Variants in KIF20B observed in about 807,000 individuals in gnomAD.
The protein encoded by KIF20B is kinesin-like protein KIF20B.
In KIF20B, 188 loss-of-function variants were observed where a neutral mutation model predicts 232.5. The ratio of observed to expected loss-of-function variants is 0.81; its 90% CI spans 0.72 to 0.91. KIF20B has a LOEUF of 0.91. KIF20B is among the 40% of genes least tolerant of loss of function. KIF20B has a pLI of 0.00. For missense variants in KIF20B, 2,154 were observed against 2,055.9 expected (o/e 1.05, Z -0.92); for synonymous variants, 712 against 683.0 (o/e 1.04, Z -0.66).
intron 22 of KIF20B, among the ~76,000 whole-genome samples, chr10:89,745,002 T>C (rs948614596): frequency 3.3e-5 from 5 of 152,176 alleles, no homozygotes; most frequent in Admixed American, 2.0e-4. Flanking sequence ...TTAAGGCTTA[T>C]TTTTTTCCAA....
At chr10:89,763,617 G>A (rs980664687) in intron 29 of KIF20B, among the ~76,000 whole-genome samples, 4 of 152,042 alleles carry the variant, frequency 2.6e-5, no homozygotes, top group African/African-American at 7.2e-5. Context: ...GGGCCTCTAT[G>A]TAGTGGTAGG....
intron 6 of KIF20B, 22 bp downstream of exon 6, chr10:89,711,167 T>A: frequency 7.1e-7 from 1 of 1,412,122 alleles, no homozygotes; most frequent in South Asian, 1.5e-5. Flanking sequence ...TTTTAGTATG[T>A]AAAATATGTA....
At chr10:89,754,799 TATAAG>T in intron 26 of KIF20B, 126 bp downstream of exon 26, 1 of 596,384 alleles carries the variant, frequency 1.7e-6, no homozygotes, top group South Asian at 4.1e-5. Context: ...TTGTCATCTT[TATAAG>T]ATAACTTCTG....
chr10:89,754,412 G>A (rs1842079288), intron 25 of KIF20B, 106 bp from the exon 26 acceptor site: 1 of 596,210 alleles, frequency 1.7e-6, no homozygotes, highest in East Asian at 3.4e-5. Context: ...AAACATTAAA[G>A]TTTTTATAGA....
At chr10:89,726,790 A>G (rs10881640) in intron 16 of KIF20B, among the ~76,000 whole-genome samples, 47,398 of 151,930 alleles carry the variant, frequency 0.31, 8,376 homozygotes, top group African/African-American at 0.47. Context: ...CTTTATGAGT[A>G]AAGCTGTAAA....
chr10:89,754,784 G>A, intron 26 of KIF20B, 111 bp downstream of exon 26: 2 of 740,646 alleles, frequency 2.7e-6, no homozygotes, highest in Non-Finnish European at 4.0e-6. Context: ...TTTTTTAAAG[G>A]CAGGTTGTCA....
In KIF20B at chr10:89,746,625, T is replaced by TTA. The variant is rs919110056; in HGVS notation, c.4096+667_4096+668insAT. The stretch of plus-strand genomic sequence containing the variant: ...AGGGTGGTCTTGAAAAATGCAACAT[T>TTA]TGGGTGTGAAAACAGGAGTGCCTGT... On this transcript the variant is annotated intron_variant, in intron 23 of 32. Transcript: ENST00000371728. Among the ~76,000 whole-genome samples the TTA allele has an allele frequency of 2.0e-5, 3 of 152,092 alleles. No individual in the cohort carries two copies. The South Asian group carries it at 6.2e-4, about 31-fold the overall frequency.
At chr10:89,746,696 A>AC (rs938476805) in intron 23 of KIF20B, among the ~76,000 whole-genome samples, 4 of 152,064 alleles carry the variant, frequency 2.6e-5, no homozygotes, top group African/African-American at 9.7e-5. Flanking sequence ...TTCACCAGGG[A>AC]CCCTGCCTTT....
At chr10:89,703,758 T>C (rs1265805553) in intron 1 of KIF20B, among the ~76,000 whole-genome samples, 2 of 8,718 alleles carry the variant, frequency 2.3e-4, no homozygotes, top group African/African-American at 7.0e-4. Context: ...CTTTTCCCTT[T>C]TTTTTTTTTT....
At chr10:89,769,599 T>A (rs1301746832) in intron 31 of KIF20B, among the ~76,000 whole-genome samples, 1 of 152,022 alleles carries the variant, frequency 6.6e-6, no homozygotes, top group African/African-American at 2.4e-5. Context: ...TGAGTTTAGC[T>A]GCAGAAACAG....
chr10:89,708,973 T>G (rs949774697), intron 2 of KIF20B, among the ~76,000 whole-genome samples, 194 bp from the exon 3 acceptor site: 2 of 152,146 alleles, frequency 1.3e-5, no homozygotes, highest in Admixed American at 6.5e-5. Flanking sequence ...AATTGGATCT[T>G]TTTTGGTGTA....
chr10:89,754,270 C>T (rs773434916), intron 25 of KIF20B, among the ~76,000 whole-genome samples: 7 of 151,746 alleles, frequency 4.6e-5, no homozygotes, highest in Non-Finnish European at 8.8e-5. Context: ...TTCTTAAGGT[C>T]ACTGATAAAA....
chr10:89,712,334 G>A (rs1401021363), intron 6 of KIF20B, among the ~76,000 whole-genome samples: 2 of 151,666 alleles, frequency 1.3e-5, no homozygotes, highest in African/African-American at 4.9e-5. Flanking sequence ...GCTCACTGCT[G>A]TCTTGAACTC....
chr10:89,734,049 G>C (rs1234922748), intron 19 of KIF20B, among the ~76,000 whole-genome samples: 6 of 152,032 alleles, frequency 3.9e-5, no homozygotes, highest in Admixed American at 3.9e-4. Flanking sequence ...AGTGATTCTT[G>C]GGTGGGGGCA....
chr10:89,755,199 G>A (rs1308287946), intron 26 of KIF20B, among the ~76,000 whole-genome samples: 1 of 152,176 alleles, frequency 6.6e-6, no homozygotes, highest in Non-Finnish European at 1.5e-5. Flanking sequence ...AAACGTTATC[G>A]TTAATCCGAG....
Position 89,715,816 on chromosome 10 carries a change from C to T in KIF20B, c.941-620C>T, listed in dbSNP as rs187646766. On this transcript the variant is annotated intron_variant, in intron 8 of 32. Transcript: ENST00000371728. ...GACGAGCTTGGTCAACATGGCAAAACGCCATCTCTACAAAAAATACAAAAA... is the reference window on the plus strand; with the variant it reads ...GACGAGCTTGGTCAACATGGCAAAATGCCATCTCTACAAAAAATACAAAAA... Among the ~76,000 whole-genome samples the T allele has an allele frequency of 7.2e-5, 11 of 151,942 alleles. No individual in the cohort carries two copies. The East Asian group carries it at 7.7e-4, about 11-fold the overall frequency.
intron 7 of KIF20B, among the ~76,000 whole-genome samples, chr10:89,714,746 A>C (rs764504892): frequency 1.3e-5 from 2 of 152,134 alleles, no homozygotes; most frequent in Non-Finnish European, 2.9e-5. Flanking sequence ...ACATATTTTC[A>C]AAAAGAAAGG....
chr10:89,755,060 T>TA (rs1431418897), intron 26 of KIF20B, among the ~76,000 whole-genome samples: 1 of 152,204 alleles, frequency 6.6e-6, no homozygotes, highest in African/African-American at 2.4e-5. Flanking sequence ...AGACTATATA[T>TA]ATAGTAGAAA....
chr10:89,774,062 A>G lies in KIF20B; in HGVS notation c.*14A>G. ...ACAGCCAAATAAATCACTTATGGAA[A>G]TGTTTAATATAAATTTTATAGTCAT... On this transcript the variant is annotated 3_prime_UTR_variant, in exon 33 of 33. Coordinates refer to ENST00000371728, the MANE Select transcript of KIF20B (RefSeq NM_001284259.2). The G allele has an allele frequency of 6.6e-7, 1 of 1,524,202 alleles. No homozygotes were observed. Among genetic ancestry groups the G allele is most frequent in the East Asian group, 2.3e-5 (1 of 43,618 alleles). The allele number at this position is 1,524,202 out of a possible 1,614,324, so 94.4% of individuals were successfully genotyped here. A position where few individuals can be genotyped will look rare whatever the true frequency, so the allele number is the denominator to read the frequency against.
Sources: gnomAD v4.1 joint callset for allele counts (sites outside exome capture counted in the v4.1 genomes callset) on GRCh38, gnomAD v4.1.1 for gene constraint, MANE v1.5 for transcripts, NCBI Gene and HGNC (gene_info 2026-07-23, HGNC 2026-07-21) for gene names.